Variants in KCNMA1 observed in about 807,000 individuals in gnomAD.
KCNMA1 encodes the protein potassium calcium-activated channel subfamily M alpha 1.
In KCNMA1, 29 loss-of-function variants were observed where a neutral mutation model predicts 140.0. The ratio of observed to expected loss-of-function variants is 0.21; its 90% confidence interval spans 0.15 to 0.28. The LOEUF (loss-of-function observed/expected upper bound fraction) is 0.28. KCNMA1 is among the 10% of genes least tolerant of loss of function. KCNMA1 has a pLI of 1.00. For synonymous variants in KCNMA1, 612 were observed against 611.9 expected (o/e 1.00, Z 0.00); for missense variants, 880 against 1,602.2 (o/e 0.55, Z 7.70).
chr10:77,333,392 G>T (rs1602955615), intron 2 of KCNMA1, among the ~76,000 whole-genome samples: 1 of 58,330 alleles, frequency 1.7e-5, no homozygotes. Context: ...GAGAAAGAAA[G>T]AAAGAAAGAA....
At chr10:76,936,849 G>A (rs146193812) in intron 23 of KCNMA1, among the ~76,000 whole-genome samples, 37 of 152,206 alleles carry the variant, frequency 2.4e-4, no homozygotes, top group African/African-American at 8.7e-4. Context: ...AATGCCGTCC[G>A]CTCCCCATCT....
At chr10:77,106,865 A>G (rs897661299) in intron 9 of KCNMA1, among the ~76,000 whole-genome samples, 3 of 152,176 alleles carry the variant, frequency 2.0e-5, no homozygotes, top group African/African-American at 7.2e-5. Flanking sequence ...AACCTCATCC[A>G]GGGCTGTTAA....
At chr10:77,612,854 T>C (rs1027087013) in intron 1 of KCNMA1, among the ~76,000 whole-genome samples, 5 of 152,144 alleles carry the variant, frequency 3.3e-5, no homozygotes, top group African/African-American at 1.2e-4. Flanking sequence ...AACAATCCCC[T>C]CTAAGCCATT....
chr10:77,441,500 C>G (rs978508076), intron 1 of KCNMA1, among the ~76,000 whole-genome samples: 5 of 152,134 alleles, frequency 3.3e-5, no homozygotes, highest in Non-Finnish European at 5.9e-5. Flanking sequence ...ATCCTAAGGA[C>G]TTTAGAATTT....
intron 3 of KCNMA1, among the ~76,000 whole-genome samples, chr10:77,206,104 C>T (rs1379240459): frequency 6.6e-6 from 1 of 152,152 alleles, no homozygotes; most frequent in Non-Finnish European, 1.5e-5. Flanking sequence ...AAGCCCATTT[C>T]CCCATAAGGC....
At chr10:77,122,901 G>T (rs1024502484) in intron 5 of KCNMA1, among the ~76,000 whole-genome samples, 20 of 152,024 alleles carry the variant, frequency 1.3e-4, no homozygotes, top group African/African-American at 4.6e-4. Context: ...AGTGTTGGCC[G>T]GGCACGGTGG....
intron 1 of KCNMA1, among the ~76,000 whole-genome samples, chr10:77,456,238 C>T (rs1189510543): frequency 6.6e-6 from 1 of 152,192 alleles, no homozygotes; most frequent in Non-Finnish European, 1.5e-5. Flanking sequence ...CTCATTCCCA[C>T]CCCAGGGACT....
At chr10:77,451,716 C>T (rs1262654378) in intron 1 of KCNMA1, among the ~76,000 whole-genome samples, 1 of 152,140 alleles carries the variant, frequency 6.6e-6, no homozygotes, top group South Asian at 2.1e-4. Flanking sequence ...AAGCACCTGC[C>T]TCACCTGTTT....
chr10:77,015,287 C>G (rs2091795319), intron 17 of KCNMA1, among the ~76,000 whole-genome samples: 1 of 152,074 alleles, frequency 6.6e-6, no homozygotes, highest in Non-Finnish European at 1.5e-5. Context: ...CCCTCCTGTA[C>G]AGGTCTATGA....
intron 2 of KCNMA1, among the ~76,000 whole-genome samples, chr10:77,327,574 C>T (rs964377279): frequency 6.6e-6 from 1 of 152,212 alleles, no homozygotes; most frequent in East Asian, 1.9e-4. Flanking sequence ...AGGCTGGTCT[C>T]GAACTCTTGA....
intron 2 of KCNMA1, among the ~76,000 whole-genome samples, chr10:77,331,782 T>A (rs1359988359): frequency 6.6e-6 from 1 of 152,002 alleles, no homozygotes; most frequent in African/African-American, 2.4e-5. Flanking sequence ...ACCTCTATAC[T>A]CCAGCCTGGG....
intron 1 of KCNMA1, among the ~76,000 whole-genome samples, chr10:77,494,529 C>G (rs934183577): frequency 1.3e-5 from 2 of 152,224 alleles, no homozygotes; most frequent in Admixed American, 1.3e-4. Context: ...CCGCTGCTCA[C>G]AGAGCTGTCT....
intron 2 of KCNMA1, among the ~76,000 whole-genome samples, chr10:77,399,268 CCAAA>C (rs1404678414): frequency 6.6e-6 from 1 of 152,060 alleles, no homozygotes; most frequent in Non-Finnish European, 1.5e-5. Flanking sequence ...TCAATGACAC[CCAAA>C]CAGTTAAGAG....
At chr10:77,524,573 C>T (rs888853218) in intron 1 of KCNMA1, among the ~76,000 whole-genome samples, 6 of 152,198 alleles carry the variant, frequency 3.9e-5, no homozygotes, top group Admixed American at 3.9e-4. Flanking sequence ...TTAGAAACCT[C>T]AGCATGGTGG....
chr10:76,927,669 A>G (rs1408335093), intron 23 of KCNMA1, among the ~76,000 whole-genome samples: 2 of 152,178 alleles, frequency 1.3e-5, no homozygotes, highest in African/African-American at 4.8e-5. Context: ...TTGTTCAGCT[A>G]ATGTGTCTCA....
intron 22 of KCNMA1, among the ~76,000 whole-genome samples, chr10:76,945,485 C>A (rs1235129446): frequency 6.6e-6 from 1 of 151,914 alleles, no homozygotes; most frequent in Admixed American, 6.6e-5. Flanking sequence ...CCTGGATGTG[C>A]GGCTCAATTT....
intron 23 of KCNMA1, among the ~76,000 whole-genome samples, chr10:76,915,310 T>C (rs1278895264): frequency 6.6e-6 from 1 of 152,124 alleles, no homozygotes; most frequent in Admixed American, 6.6e-5. Flanking sequence ...TGCTCATAGA[T>C]CTTGGCTCCC....
chr10:77,633,080 G>T (rs2093380379), intron 1 of KCNMA1, among the ~76,000 whole-genome samples: 1 of 152,212 alleles, frequency 6.6e-6, no homozygotes, highest in Non-Finnish European at 1.5e-5. Flanking sequence ...ACTTTGGGAG[G>T]CCAAGGTGGG....
chr10:76,989,585 G>A (rs2082197375), intron 19 of KCNMA1, among the ~76,000 whole-genome samples: 1 of 152,158 alleles, frequency 6.6e-6, no homozygotes, highest in Non-Finnish European at 1.5e-5. Context: ...TAGTCAAGAT[G>A]GAAATCAATG....
Sources: allele counts gnomAD v4.1 joint callset (sites outside exome capture counted in the v4.1 genomes callset), GRCh38; gene constraint gnomAD v4.1.1; transcripts MANE v1.5; gene names NCBI Gene and HGNC (gene_info 2026-07-23, HGNC 2026-07-21).